NPM2: variants seen among roughly 807,000 people sequenced by gnomAD.
The protein encoded by NPM2 is nucleoplasmin-2.
Under a neutral mutation model 32.0 loss-of-function variants are expected in NPM2, and 25 were observed. The observed-to-expected ratio is 0.78, with a 90% CI of 0.57 to 1.09. The LOEUF (loss-of-function observed/expected upper bound fraction) is 1.09. Ranked by LOEUF, NPM2 falls within the 50% of genes least tolerant of loss-of-function variation. The probability of loss-of-function intolerance (pLI) is 0.00; values close to 1 mark genes in which losing one functional copy is unlikely to be tolerated. For synonymous variants in NPM2, 111 were observed against 94.2 expected, an observed-to-expected ratio of 1.18 and a Z score of -1.04; for missense variants, 282 against 259.9, an observed-to-expected ratio of 1.08 and a Z score of -0.58.
intron 5 of NPM2, among the ~76,000 whole-genome samples, chr8:22,026,099 C>T (rs567746752): frequency 6.6e-6 from 1 of 152,294 alleles, no homozygotes; most frequent in South Asian, 2.1e-4. Context: ...CTGAGCCCTG[C>T]CTCCCGTCAG....
rs747844838 is a variant in NPM2 at position 22,025,476 on chromosome 8, A to AC, written c.103dup (p.Gln35ProfsTer88). 1.2e-6 allele frequency: 2 copies of AC among 1,613,820 alleles called. No homozygotes were observed. The highest frequency in any genetic ancestry group is 2.7e-5 in the African/African-American group (2 of 74,860). Reference sequence around the variant, plus strand: ...AGGAGAGGCGGACTTGGACCTTCAGACCCCAGCTGGAGGGGAAGCAGAGCT... The same window carrying AC: ...AGGAGAGGCGGACTTGGACCTTCAGACCCCCAGCTGGAGGGGAAGCAGAGCT... On this transcript the variant is annotated frameshift_variant, in exon 4 of 10. Transcript: ENST00000518119. LOFTEE classifies it high-confidence loss of function.
Position 22,025,736 on chromosome 8 carries a change from C to A in NPM2, c.234C>A (p.Val78=). The change falls in exon 5 of 10, where the codon GTC becomes GTA. Residue 78 remains valine (V), a synonymous_variant. Coordinates refer to ENST00000518119, the MANE Select transcript of NPM2 (RefSeq NM_001286680.2). ...ANQEDKKMQP[V]TIASLQASVL... Reference sequence around the variant, plus strand: ...AGGAGGACAAGAAGATGCAGCCGGTCACCATTGCCTCACTCCAGGCCTCAG... The same window carrying A: ...AGGAGGACAAGAAGATGCAGCCGGTAACCATTGCCTCACTCCAGGCCTCAG... The A allele has an allele frequency of 6.2e-7, 1 of 1,614,142 alleles. No homozygotes were observed. The highest frequency in any genetic ancestry group is 8.5e-7 in the Non-Finnish European group (1 of 1,180,022).
At position 22,033,181 on chromosome 8, in the gene NPM2, G is replaced by A. The variant is rs778654405; in HGVS notation, c.322G>A (p.Ala108Thr). The A allele has an allele frequency of 5.0e-6, 8 of 1,614,086 alleles. No individual in the cohort carries two copies. The highest frequency in any genetic ancestry group is 4.4e-5 in the South Asian group (4 of 91,074). Residue 108 changes from alanine to threonine, a missense_variant, in exon 6 of 10, where the codon GCT becomes ACT. Ala to Thr is a moderately conservative substitution (Grantham distance 58). Transcript: ENST00000518119. Reference sequence around the variant, plus strand: ...TCCCCCAGTTACTTTCCAGCTCCGGGCTGGCTCAGGACCCGTGTTCCTCAG... The same window carrying A: ...TCCCCCAGTTACTTTCCAGCTCCGGACTGGCTCAGGACCCGTGTTCCTCAG... ...LSPPVTFQLR[A>T]GSGPVFLSGQ...
In NPM2 at chr8:22,025,299, G is replaced by A; in HGVS notation, c.51G>A (p.Val17=). The A allele has an allele frequency of 3.7e-6, 6 of 1,609,352 alleles. No individual in the cohort carries two copies. The highest frequency in any genetic ancestry group is 5.1e-6 in the Non-Finnish European group (6 of 1,178,218). The change falls in exon 3 of 10, where the codon GTG becomes GTA. Residue 17 remains valine (V), a synonymous_variant. Transcript: ENST00000518119. ...CGGAGGAAAAGGCAGTGACGACCGTGCTCTGGGGTGAGTGGGGACTCAGGC... is the reference window on the plus strand; with the variant it reads ...CGGAGGAAAAGGCAGTGACGACCGTACTCTGGGGTGAGTGGGGACTCAGGC... ...SSTEEKAVTT[V]LWGCELSQER...
intron 5 of NPM2, among the ~76,000 whole-genome samples, chr8:22,030,827 T>A (rs1482219530): frequency 6.6e-6 from 1 of 152,050 alleles, no homozygotes; most frequent in Admixed American, 6.6e-5. Flanking sequence ...GCTACAGGCG[T>A]GCACCAACAC....
intron 5 of NPM2, among the ~76,000 whole-genome samples, chr8:22,026,958 A>G (rs1800276558): frequency 6.6e-6 from 1 of 152,188 alleles, no homozygotes; most frequent in Admixed American, 6.5e-5. Flanking sequence ...CTTTGAAATC[A>G]CTAGAGGGGG....
At chr8:22,033,552 G>A (rs1046918847) in intron 6 of NPM2, among the ~76,000 whole-genome samples, 1 of 137,648 alleles carries the variant, frequency 7.3e-6, no homozygotes, top group Non-Finnish European at 1.7e-5. Flanking sequence ...CTGCAGTGAT[G>A]CAGACCATAG....
chr8:22,027,805 C>T (rs962728498), intron 5 of NPM2, among the ~76,000 whole-genome samples: 2 of 152,096 alleles, frequency 1.3e-5, no homozygotes, highest in African/African-American at 4.8e-5. Context: ...TGGGTTTTTG[C>T]CATGTTGGTC....
rs1237264404 is a variant in NPM2, at chr8:22,025,893, C to T, written c.270+121C>T. 17 of 1,404,250 alleles carry T rather than the reference C, an allele frequency of 1.2e-5. No homozygotes were observed. In the East Asian group the frequency reaches 3.0e-4, roughly 25 times the overall value. 87.0% of individuals were successfully genotyped at this position (1,404,250 alleles called of 1,614,324 possible). On this transcript the variant is annotated intron_variant, in intron 5 of 9. Transcript: ENST00000518119. Reference sequence around the variant, plus strand: ...AATGAGCCATGCTAGGGAGGTAGCACAGCCCATGCAGAAAGCCGGGGTCCA... The same window carrying T: ...AATGAGCCATGCTAGGGAGGTAGCATAGCCCATGCAGAAAGCCGGGGTCCA...
At chr8:22,027,050 T>C (rs1334881721) in intron 5 of NPM2, among the ~76,000 whole-genome samples, 2 of 152,214 alleles carry the variant, frequency 1.3e-5, no homozygotes, top group Non-Finnish European at 2.9e-5. Flanking sequence ...GATAATAATA[T>C]CTGAGTTCCT....
intron 5 of NPM2, among the ~76,000 whole-genome samples, chr8:22,026,454 CTTT>C (rs1171179196): frequency 9.0e-6 from 1 of 111,414 alleles, no homozygotes. Flanking sequence ...CAGTTCTTGC[CTTT>C]TTTTTTTTTT....
chr8:22,034,046 A>T, intron 6 of NPM2, 63 bp from the exon 7 acceptor site: 1 of 1,533,656 alleles, frequency 6.5e-7, no homozygotes, highest in South Asian at 1.3e-5. Flanking sequence ...ACAGAATGGG[A>T]GGTGGGCATT....
rs1370285781 is a variant in NPM2 at position 22,028,690 on chromosome 8, A to G, written c.270+2918A>G. 2.0e-5 allele frequency among the ~76,000 whole-genome samples: 3 copies of G among 152,030 alleles called. No homozygotes were observed. In the East Asian group the frequency reaches 5.8e-4, roughly 29 times the overall value. On this transcript the variant is annotated intron_variant, in intron 5 of 9. Coordinates refer to ENST00000518119, the MANE Select transcript of NPM2 (RefSeq NM_001286680.2). ...GCTTCTCTGCTAGAATAGTTAGGTC[A>G]TGGCTCTCTCTCATTTGGAATAAGA... is the stretch of plus-strand genomic sequence containing the variant.
Position 22,025,698 on chromosome 8 carries a change from C to A in NPM2, c.196C>A (p.Pro66Thr). Reference protein sequence around the residue: ...KEEMHRVEILPPANQEDKKMQ... With the variant: ...KEEMHRVEILTPANQEDKKMQ... ...GGAGATGCATCGCGTGGAGATCCTGCCCCCAGCAAACCAGGAGGACAAGAA... is the reference window on the plus strand; with the variant it reads ...GGAGATGCATCGCGTGGAGATCCTGACCCCAGCAAACCAGGAGGACAAGAA... Residue 66 changes from proline (P) to threonine (T), a missense_variant, in exon 5 of 10, where the codon CCC (proline) becomes ACC (threonine). By Grantham distance (38) the Pro-to-Thr change is conservative (BLOSUM62 -1). Coordinates refer to ENST00000518119, the MANE Select transcript of NPM2 (RefSeq NM_001286680.2). 1 of 1,614,048 alleles carries A rather than the reference C, an allele frequency of 6.2e-7. No individual in the cohort carries two copies. The highest frequency in any genetic ancestry group is 8.5e-7 in the Non-Finnish European group (1 of 1,179,984).
At position 22,024,354 on chromosome 8, in the gene NPM2, G is replaced by C. The variant is rs1300283158; in HGVS notation, c.-410G>C. The C allele has an allele frequency of 6.6e-6, 1 of 152,506 alleles. No individual in the cohort carries two copies. Among genetic ancestry groups the C allele is most frequent in the Non-Finnish European group, 1.5e-5 (1 of 68,240 alleles). The allele number at this position is 152,506 out of a possible 1,614,324, so 9.4% of individuals were successfully genotyped here. Reference sequence around the variant, plus strand: ...GAAGAAAGGCAACGAACAAGAAGGAGGGCTTCCAACTGCAGCTTCCTGCCG... The same window carrying C: ...GAAGAAAGGCAACGAACAAGAAGGACGGCTTCCAACTGCAGCTTCCTGCCG... On this transcript the variant is annotated 5_prime_UTR_variant, in exon 1 of 10. Coordinates refer to ENST00000518119, the MANE Select transcript of NPM2 (RefSeq NM_001286680.2).
chr8:22,030,800 C>T (rs550028932), intron 5 of NPM2, among the ~76,000 whole-genome samples: 26 of 152,044 alleles, frequency 1.7e-4, no homozygotes, highest in African/African-American at 6.3e-4. Flanking sequence ...CGGCCTCAGC[C>T]CCCCCGAGTA....
chr8:22,031,810 C>T (rs1006250130), intron 5 of NPM2, among the ~76,000 whole-genome samples: 1 of 152,188 alleles, frequency 6.6e-6, no homozygotes, highest in Non-Finnish European at 1.5e-5. Flanking sequence ...CCCTCGGTTG[C>T]AGCACACCAG....
Position 22,025,241 on chromosome 8 carries a change from C to T in NPM2, c.-8C>T. 6.2e-7 allele frequency: 1 copy of T among 1,611,212 alleles called. No individual in the cohort carries two copies. Among genetic ancestry groups the T allele is most frequent in the Non-Finnish European group, 8.5e-7 (1 of 1,179,190 alleles). On this transcript the variant is annotated 5_prime_UTR_variant, in exon 3 of 10. Transcript: ENST00000518119. ...CTGCCCGGCCAGCCCGCTTCTCTGCCCGGAGCCATGAATCTCAGTAGCGCC... is the reference window on the plus strand; with the variant it reads ...CTGCCCGGCCAGCCCGCTTCTCTGCTCGGAGCCATGAATCTCAGTAGCGCC...
At chr8:22,032,983 A>AT in intron 5 of NPM2, 147 bp from the exon 6 acceptor site, 1 of 635,316 alleles carries the variant, frequency 1.6e-6, no homozygotes, top group Non-Finnish European at 2.9e-6. Flanking sequence ...ACCAGGTTCA[A>AT]ATTCTTGGAC....
Sources: allele counts gnomAD v4.1 joint callset (sites outside exome capture counted in the v4.1 genomes callset), GRCh38; gene constraint gnomAD v4.1.1; transcripts MANE v1.5; gene names NCBI Gene and HGNC (gene_info 2026-07-23, HGNC 2026-07-21).